GFRA1: variants seen among roughly 807,000 people sequenced by gnomAD.
The protein encoded by GFRA1 is GDNF family receptor alpha 1, also known as GDNF family receptor alpha-1.
In GFRA1, 16 loss-of-function variants were observed where a neutral mutation model predicts 51.6. The ratio of observed to expected loss-of-function variants is 0.31; its 90% CI spans 0.21 to 0.47. GFRA1 has a LOEUF of 0.47. GFRA1 is among the 20% of genes least tolerant of loss of function. The pLI, the probability that GFRA1 is intolerant of heterozygous loss-of-function variation, is 1.00. For synonymous variants in GFRA1, 270 were observed against 241.3 expected, an observed-to-expected ratio of 1.12 and a Z score of -1.10; for missense variants, 530 against 594.3, an observed-to-expected ratio of 0.89 and a Z score of 1.13.
At chr10:116,208,606 C>A (rs989714754) in intron 5 of GFRA1, among the ~76,000 whole-genome samples, 1 of 152,142 alleles carries the variant, frequency 6.6e-6, no homozygotes, top group African/African-American at 2.4e-5. Flanking sequence ...CAGTTGACAG[C>A]GCAGGGAGAA....
intron 9 of GFRA1, among the ~76,000 whole-genome samples, chr10:116,083,492 C>T (rs562430218): frequency 2.0e-5 from 3 of 152,334 alleles, no homozygotes; most frequent in South Asian, 4.1e-4. Context: ...TTAAGTGCTC[C>T]GTGCTAGAAG....
rs1954823398 is a variant in GFRA1 at position 116,061,641 on chromosome 10, A to T, written c.*2757T>A. 1.0e-5 allele frequency: 2 copies of T among 193,968 alleles called. No homozygotes were observed. Among genetic ancestry groups the T allele is most frequent in the African/African-American group, 4.6e-5 (2 of 43,348 alleles). 12.0% of individuals were successfully genotyped at this position (193,968 alleles called of 1,614,324 possible). ...CCTAGTTACTGTTTGGTTTCATCAA[A>T]ATCAACTGCAATGAGATACTTCCTG... On this transcript the variant is annotated 3_prime_UTR_variant, in exon 11 of 11. Coordinates refer to ENST00000355422, the MANE Select transcript of GFRA1 (RefSeq NM_005264.8).
chr10:116,117,554 T>TTG (rs1555152560), intron 6 of GFRA1, among the ~76,000 whole-genome samples: 2 of 89,062 alleles, frequency 2.2e-5, no homozygotes, highest in East Asian at 6.6e-4. Flanking sequence ...GGTGGGTGGG[T>TTG]GTGTGGATGG....
intron 5 of GFRA1, among the ~76,000 whole-genome samples, chr10:116,144,234 C>T (rs1958696879): frequency 6.6e-6 from 1 of 152,028 alleles, no homozygotes; most frequent in Non-Finnish European, 1.5e-5. Flanking sequence ...TATATAAAAG[C>T]ACAGGATAAC....
At chr10:116,222,596 T>A (rs1382580875) in intron 4 of GFRA1, among the ~76,000 whole-genome samples, 1 of 152,212 alleles carries the variant, frequency 6.6e-6, no homozygotes, top group Admixed American at 6.5e-5. Flanking sequence ...AACAGTGATA[T>A]GGGGCTGTTG....
chr10:116,261,260 T>C (rs1164481184), intron 4 of GFRA1, among the ~76,000 whole-genome samples: 1 of 152,236 alleles, frequency 6.6e-6, no homozygotes, highest in Non-Finnish European at 1.5e-5. Context: ...TTGTCATCAC[T>C]GTCCTAGACA....
At chr10:116,202,690 T>C (rs907717722) in intron 5 of GFRA1, among the ~76,000 whole-genome samples, 2 of 152,052 alleles carry the variant, frequency 1.3e-5, no homozygotes, top group African/African-American at 4.8e-5. Context: ...CATGCCACAC[T>C]CTTTTAAACC....
chr10:116,251,148 T>G (rs1242308737), intron 4 of GFRA1, among the ~76,000 whole-genome samples: 3 of 152,260 alleles, frequency 2.0e-5, no homozygotes, highest in African/African-American at 7.2e-5. Context: ...ACGTGCATTT[T>G]AATTCATATG....
intron 5 of GFRA1, among the ~76,000 whole-genome samples, chr10:116,156,760 T>C (rs1163549568): frequency 1.3e-5 from 2 of 152,222 alleles, no homozygotes; most frequent in Admixed American, 1.3e-4. Flanking sequence ...ATCTCTGCTA[T>C]TGTGGAAGGA....
intron 9 of GFRA1, 81 bp from the exon 10 acceptor site, chr10:116,065,707 G>T: frequency 3.7e-6 from 4 of 1,069,150 alleles, no homozygotes; most frequent in Non-Finnish European, 4.3e-6. Flanking sequence ...GCTGTCTAGG[G>T]CAATGCTCTC....
chr10:116,250,312 G>A (rs1361198880), intron 4 of GFRA1, among the ~76,000 whole-genome samples: 1 of 152,152 alleles, frequency 6.6e-6, no homozygotes, highest in Admixed American at 6.5e-5. Context: ...ACTAAGGAGA[G>A]AGGACCCAGG....
Position 116,089,791 on chromosome 10 carries a change from A to G in GFRA1, c.1147T>C (p.Ser383Pro). The change falls in exon 9 of 11, where the codon TCT becomes CCT. Residue 383 changes from serine to proline, a missense_variant. By Grantham distance (74) the Ser-to-Pro change is moderately conservative. Coordinates refer to ENST00000355422, the MANE Select transcript of GFRA1 (RefSeq NM_005264.8). ...VKNKPLGPAG[S>P]ENEIPTHVLP... Reference sequence around the variant, plus strand: ...ACATGAGTGGGAATTTCATTCTCAGACCCTGCTGGCCCCAGGGGCTTGTTC... The same window carrying G: ...ACATGAGTGGGAATTTCATTCTCAGGCCCTGCTGGCCCCAGGGGCTTGTTC... The G allele has an allele frequency of 1.2e-6, 2 of 1,613,988 alleles. No homozygotes were observed. The highest frequency in any genetic ancestry group is 1.6e-4 in the Middle Eastern group (1 of 6,062).
intron 6 of GFRA1, among the ~76,000 whole-genome samples, chr10:116,114,048 G>A (rs184223573): frequency 3.4e-4 from 52 of 152,280 alleles, no homozygotes; most frequent in Admixed American, 3.3e-3. Flanking sequence ...AGGGGAAGAT[G>A]GGGTGATTCA....
Position 116,148,657 on chromosome 10 carries a change from G to T in GFRA1, c.434-23100C>A, listed in dbSNP as rs568293633. Among the ~76,000 whole-genome samples, 3 of 152,286 alleles carry T rather than the reference G, an allele frequency of 2.0e-5. No homozygotes were observed. The East Asian group carries it at 5.8e-4, about 29-fold the overall frequency. On this transcript the variant is annotated intron_variant, in intron 5 of 10. Transcript: ENST00000355422. ...CTCCCACGCTCAAAAGATTGTTCCAGAATGAGCTTTACTAGGGGGTACATA... is the reference window on the plus strand; with the variant it reads ...CTCCCACGCTCAAAAGATTGTTCCATAATGAGCTTTACTAGGGGGTACATA...
chr10:116,185,446 C>G (rs1172567865), intron 5 of GFRA1, among the ~76,000 whole-genome samples: 1 of 152,216 alleles, frequency 6.6e-6, no homozygotes, highest in South Asian at 2.1e-4. Flanking sequence ...AGCTTCCATG[C>G]GTGTTGCTGC....
At chr10:116,205,754 C>T (rs1388772752) in intron 5 of GFRA1, among the ~76,000 whole-genome samples, 1 of 151,882 alleles carries the variant, frequency 6.6e-6, no homozygotes, top group Admixed American at 6.6e-5. Flanking sequence ...TAAAACCTCA[C>T]CCCAAACTCA....
At chr10:116,099,806 A>G (rs1190260129) in intron 6 of GFRA1, among the ~76,000 whole-genome samples, 3 of 152,232 alleles carry the variant, frequency 2.0e-5, no homozygotes, top group Non-Finnish European at 4.4e-5. Flanking sequence ...TTTGTTCTTG[A>G]TAAAAGGTAA....
At chr10:116,133,440 GC>G (rs758711695) in intron 5 of GFRA1, among the ~76,000 whole-genome samples, 1 of 152,278 alleles carries the variant, frequency 6.6e-6, no homozygotes, top group East Asian at 1.9e-4. Context: ...AGGGTCAGGT[GC>G]TGCTGAAGGA....
At chr10:116,233,324 T>C (rs1966800655) in intron 4 of GFRA1, among the ~76,000 whole-genome samples, 2 of 150,554 alleles carry the variant, frequency 1.3e-5, no homozygotes, top group Admixed American at 6.6e-5. Context: ...TGAGACTCCA[T>C]CTCAAAAAAA....
Sources: gnomAD v4.1 joint callset for allele counts (sites outside exome capture counted in the v4.1 genomes callset) on GRCh38, gnomAD v4.1.1 for gene constraint, MANE v1.5 for transcripts, NCBI Gene and HGNC (gene_info 2026-07-23, HGNC 2026-07-21) for gene names.